GPR45: variants seen among roughly 807,000 people sequenced by gnomAD.
The protein encoded by GPR45 is probable G protein-coupled receptor 45.
Under a neutral mutation model 5.9 loss-of-function variants are expected in GPR45, and 7 were observed. The ratio of observed to expected loss-of-function variants is 1.19; its 90% CI spans 0.68 to 2.23. The LOEUF (loss-of-function observed/expected upper bound fraction) is 2.23. GPR45 is among the 30% of genes most tolerant of loss of function. The probability of loss-of-function intolerance (pLI) is 0.00; values close to 1 mark genes in which losing one functional copy is unlikely to be tolerated. For missense variants in GPR45, 440 were observed against 496.9 expected, an observed-to-expected ratio of 0.89 and a Z score of 1.09; for synonymous variants, 220 against 226.3, an observed-to-expected ratio of 0.97 and a Z score of 0.25.
rs757834636 is a variant in GPR45, at chr2:105,242,253, G to T, written c.395G>T (p.Arg132Leu). Residue 132 changes from arginine to leucine, a missense_variant, in exon 1 of 1, where the codon CGC becomes CTC. Transcript: ENST00000258456. The surrounding 1 kb of genome is among the most constrained non-coding windows in gnomAD (Gnocchi z 4.8). The part of the protein sequence containing the change: ...VAILLIISVD[R>L]FLIIVQRQDK... Reference sequence around the variant, plus strand: ...ATCCTGCTCATCATCAGCGTGGACCGCTTCCTCATCATCGTCCAGCGCCAG... The same window carrying T: ...ATCCTGCTCATCATCAGCGTGGACCTCTTCCTCATCATCGTCCAGCGCCAG... The T allele has an allele frequency of 2.5e-6, 4 of 1,614,054 alleles. No homozygotes were observed. In the South Asian group the frequency reaches 3.3e-5, roughly 13 times the overall value.
In GPR45 at chr2:105,242,347, G is replaced by T. The variant is rs760779943; in HGVS notation, c.489G>T (p.Ala163=). The T allele has an allele frequency of 1.2e-6, 2 of 1,613,532 alleles. No homozygotes were observed. Among genetic ancestry groups the T allele is most frequent in the Non-Finnish European group, 1.7e-6 (2 of 1,179,930 alleles). The change falls in exon 1 of 1, where the codon GCG becomes GCT. Residue 163 remains alanine (A), a synonymous_variant. Coordinates refer to ENST00000258456, the MANE Select transcript of GPR45 (RefSeq NM_007227.3). This position sits in a 1 kb window ranked among gnomAD's most constrained non-coding sequence, Gnocchi z 4.8. ...AVSWVLSFCI[A]GPSLTGWTLV... ...CCTGGGTGCTGTCCTTCTGCATCGC[G>T]GGGCCCTCGCTCACGGGCTGGACGC...
chr2:105,242,388 C>A lies in GPR45; in HGVS notation c.530C>A (p.Ala177Glu), dbSNP rs752768882. 6 of 1,612,310 alleles carry A rather than the reference C, an allele frequency of 3.7e-6. No homozygotes were observed. The highest frequency in any genetic ancestry group is 5.1e-6 in the Non-Finnish European group (6 of 1,179,562). The change falls in exon 1 of 1, where the codon GCG (alanine) becomes GAG (glutamate). Residue 177 changes from alanine (A) to glutamate (E), a missense_variant. Physicochemically the swap from Ala to Glu is moderately radical, Grantham distance 107. Coordinates refer to ENST00000258456, the MANE Select transcript of GPR45 (RefSeq NM_007227.3). The surrounding 1 kb of genome is among the most constrained non-coding windows in gnomAD (Gnocchi z 4.8). ...LTGWTLVEVP[A>E]RAPQCVLGYT... ...GGCTGGACGCTGGTGGAGGTGCCGG[C>A]GCGGGCCCCACAGTGCGTGCTGGGC...
rs201182325 is a variant in GPR45, at chr2:105,242,604, T to A, written c.746T>A (p.Leu249Gln). ...CTCACCAGGGCGGGCCTGCGGCGCC[T>A]GCAGCGGCAGCAACAGGTCAGCGTG... The part of the protein sequence containing the change: ...RQLTRAGLRR[L>Q]QRQQQVSVDL... Residue 249 changes from leucine to glutamine, a missense_variant, in exon 1 of 1, where the codon CTG (leucine) becomes CAG (glutamine). Leu to Gln is a moderately radical substitution (Grantham distance 113). Transcript: ENST00000258456. The surrounding 1 kb of genome is among the most constrained non-coding windows in gnomAD (Gnocchi z 4.8). The A allele has an allele frequency of 6.2e-7, 1 of 1,609,198 alleles. No individual in the cohort carries two copies. Among genetic ancestry groups the A allele is most frequent in the Non-Finnish European group, 8.5e-7 (1 of 1,177,086 alleles).
chr2:105,242,585 A>G lies in GPR45; in HGVS notation c.727A>G (p.Arg243Gly). Residue 243 changes from arginine (R) to glycine (G), a missense_variant, in exon 1 of 1, where the codon AGG becomes GGG. By Grantham distance (125) the Arg-to-Gly change is moderately radical. Transcript: ENST00000258456. This position sits in a 1 kb window ranked among gnomAD's most constrained non-coding sequence, Gnocchi z 4.8. ...CAGCCTGGACCTGCGGCAGCTCACC[A>G]GGGCGGGCCTGCGGCGCCTGCAGCG... ...SDSLDLRQLT[R>G]AGLRRLQRQQ... The G allele has an allele frequency of 6.2e-7, 1 of 1,610,312 alleles. No individual in the cohort carries two copies. The highest frequency in any genetic ancestry group is 8.5e-7 in the Non-Finnish European group (1 of 1,178,646).
rs982105967 is a variant in GPR45, at chr2:105,242,221, C to A, written c.363C>A (p.Gly121=). Residue 121 remains glycine, a synonymous_variant, in exon 1 of 1, where the codon GGC becomes GGA. Transcript: ENST00000258456. The surrounding 1 kb of genome is among the most constrained non-coding windows in gnomAD (Gnocchi z 4.8). ...ATLYWFFVLE[G]VAILLIISVD... ...TCTACTGGTTTTTTGTCCTGGAGGG[C>A]GTGGCCATCCTGCTCATCATCAGCG... The A allele has an allele frequency of 1.5e-5, 25 of 1,614,004 alleles. No individual in the cohort carries two copies. The highest frequency in any genetic ancestry group is 2.1e-5 in the Non-Finnish European group (25 of 1,180,038).
At position 105,242,485 on chromosome 2, in the gene GPR45, C is replaced by A. The variant is rs1015312684; in HGVS notation, c.627C>A (p.Gly209=). The change falls in exon 1 of 1, where the codon GGC becomes GGA. Residue 209 remains glycine (G), a synonymous_variant. Coordinates refer to ENST00000258456, the MANE Select transcript of GPR45 (RefSeq NM_007227.3). The surrounding 1 kb of genome is among the most constrained non-coding windows in gnomAD (Gnocchi z 4.8). ...TGGCCGTGTTCTTCGCGCCCTTTGGCGTCATGCTGTGCGCCTACATGTGCA... is the reference window on the plus strand; with the variant it reads ...TGGCCGTGTTCTTCGCGCCCTTTGGAGTCATGCTGTGCGCCTACATGTGCA... ...LVVAVFFAPF[G]VMLCAYMCIL... 1 of 1,605,408 alleles carries A rather than the reference C, an allele frequency of 6.2e-7. No homozygotes were observed. The highest frequency in any genetic ancestry group is 8.5e-7 in the Non-Finnish European group (1 of 1,179,830).
rs935034940 is a variant in GPR45 at position 105,243,155 on chromosome 2, G to T, written c.*178G>T. The T allele has an allele frequency of 8.0e-5, 66 of 821,314 alleles. No individual in the cohort carries two copies. Among genetic ancestry groups the T allele is most frequent in the Admixed American group, 1.5e-4 (5 of 33,502 alleles). 50.9% of individuals were successfully genotyped at this position (821,314 alleles called of 1,614,324 possible). On this transcript the variant is annotated 3_prime_UTR_variant, in exon 1 of 1. Coordinates refer to ENST00000258456, the MANE Select transcript of GPR45 (RefSeq NM_007227.3). ...CCCAAATTTCAAATTTTGGCACGAT[G>T]AATTATTTTTGTTTCTCTTTGCAGA...
Position 105,242,120 on chromosome 2 carries a change from A to G in GPR45, c.262A>G (p.Met88Val), listed in dbSNP as rs776984771. ...FSDIMLSLCC[M>V]PFTAVTLITV... ...CGACATCATGCTGTCCCTCTGCTGC[A>G]TGCCCTTCACCGCCGTCACCCTCAT... Residue 88 changes from methionine (M) to valine (V), a missense_variant, in exon 1 of 1, where the codon ATG (methionine) becomes GTG (valine). Coordinates refer to ENST00000258456, the MANE Select transcript of GPR45 (RefSeq NM_007227.3). The surrounding 1 kb of genome is among the most constrained non-coding windows in gnomAD (Gnocchi z 4.8). 1.5e-5 allele frequency: 24 copies of G among 1,614,072 alleles called. No homozygotes were observed. The highest frequency in any genetic ancestry group is 2.0e-5 in the Non-Finnish European group (24 of 1,180,020).
rs779954345 is a variant in GPR45, at chr2:105,242,059, G to A, written c.201G>A (p.Ser67=). 6.8e-6 allele frequency: 11 copies of A among 1,614,118 alleles called. No homozygotes were observed. The highest frequency in any genetic ancestry group is 4.5e-5 in the East Asian group (2 of 44,866). The change falls in exon 1 of 1, where the codon TCG becomes TCA. Residue 67 remains serine (S), a synonymous_variant. Coordinates refer to ENST00000258456, the MANE Select transcript of GPR45 (RefSeq NM_007227.3). This position sits in a 1 kb window ranked among gnomAD's most constrained non-coding sequence, Gnocchi z 4.8. ...IIVYQRPAMR[S]AINLLLATLA... ...TGTACCAGAGGCCGGCTATGCGCTC[G>A]GCCATCAACCTGCTGCTGGCCACCC...
chr2:105,242,417 A>C lies in GPR45; in HGVS notation c.559A>C (p.Thr187Pro), dbSNP rs140456971. The change falls in exon 1 of 1, where the codon ACG becomes CCG. Residue 187 changes from threonine to proline, a missense_variant. Transcript: ENST00000258456. This position sits in a 1 kb window ranked among gnomAD's most constrained non-coding sequence, Gnocchi z 4.8. ...GGCCCCACAGTGCGTGCTGGGCTAC[A>C]CGGAGCTCCCCGCTGACCGCGCCTA... The part of the protein sequence containing the change: ...ARAPQCVLGY[T>P]ELPADRAYVV... 1 of 1,611,208 alleles carries C rather than the reference A, an allele frequency of 6.2e-7. No individual in the cohort carries two copies. The highest frequency in any genetic ancestry group is 8.5e-7 in the Non-Finnish European group (1 of 1,179,772).
rs1209090001 is a variant in GPR45, at chr2:105,242,985, G to T, written c.*8G>T. On this transcript the variant is annotated 3_prime_UTR_variant, in exon 1 of 1. Coordinates refer to ENST00000258456, the MANE Select transcript of GPR45 (RefSeq NM_007227.3). The surrounding 1 kb of genome is among the most constrained non-coding windows in gnomAD (Gnocchi z 4.8). ...AACCAGTCTGCGGTTTAGGGGGTCA[G>T]GGGGCCACAGAGAAGGGGCAGCTGA... 4 of 1,608,572 alleles carry T rather than the reference G, an allele frequency of 2.5e-6. No homozygotes were observed. The highest frequency in any genetic ancestry group is 3.4e-6 in the Non-Finnish European group (4 of 1,176,354).
Position 105,242,159 on chromosome 2 carries a change from C to A in GPR45, c.301C>A (p.His101Asn). The A allele has an allele frequency of 6.2e-7, 1 of 1,614,172 alleles. No individual in the cohort carries two copies. Among genetic ancestry groups the A allele is most frequent in the Non-Finnish European group, 8.5e-7 (1 of 1,180,050 alleles). ...TAVTLITVRW[H>N]FGDHFCRLSA... ...CGTCACCCTCATCACCGTGCGCTGG[C>A]ACTTTGGGGACCACTTCTGCCGCCT... The change falls in exon 1 of 1, where the codon CAC (histidine) becomes AAC (asparagine). Residue 101 changes from histidine to asparagine, a missense_variant. His to Asn is a moderately conservative substitution (Grantham distance 68). Coordinates refer to ENST00000258456, the MANE Select transcript of GPR45 (RefSeq NM_007227.3). This position sits in a 1 kb window ranked among gnomAD's most constrained non-coding sequence, Gnocchi z 4.8.
rs766468335 is a variant in GPR45, at chr2:105,242,855, G to A, written c.997G>A (p.Glu333Lys). 9 of 1,614,060 alleles carry A rather than the reference G, an allele frequency of 5.6e-6. No homozygotes were observed. The highest frequency in any genetic ancestry group is 1.3e-5 in the African/African-American group (1 of 74,930). The change falls in exon 1 of 1, where the codon GAG (glutamate) becomes AAG (lysine). Residue 333 changes from glutamate (E) to lysine (K), a missense_variant. Transcript: ENST00000258456. This position sits in a 1 kb window ranked among gnomAD's most constrained non-coding sequence, Gnocchi z 4.8. The part of the protein sequence containing the change: ...VYCWRIKKFR[E>K]ACIELLPQTF... Reference sequence around the variant, plus strand: ...CTGCTGGAGAATCAAAAAATTCCGCGAGGCCTGCATAGAGTTGCTGCCCCA... The same window carrying A: ...CTGCTGGAGAATCAAAAAATTCCGCAAGGCCTGCATAGAGTTGCTGCCCCA...
In GPR45 at chr2:105,241,953, C is replaced by G. The variant is rs2104541203; in HGVS notation, c.95C>G (p.Pro32Arg). The G allele has an allele frequency of 1.2e-6, 2 of 1,613,226 alleles. No homozygotes were observed. Among genetic ancestry groups the G allele is most frequent in the Non-Finnish European group, 1.7e-6 (2 of 1,179,312 alleles). ...SDSGSTQLPA[P>R]LRISLAIVML... ...TCGGGGTCCACCCAGTTGCCCGCAC[C>G]CCTCAGGATCTCCTTGGCCATAGTG... Residue 32 changes from proline to arginine, a missense_variant, in exon 1 of 1, where the codon CCC becomes CGC. Coordinates refer to ENST00000258456, the MANE Select transcript of GPR45 (RefSeq NM_007227.3).
chr2:105,242,674 C>T lies in GPR45; in HGVS notation c.816C>T (p.Leu272=). 1 of 1,599,588 alleles carries T rather than the reference C, an allele frequency of 6.3e-7. No homozygotes were observed. Among genetic ancestry groups the T allele is most frequent in the South Asian group, 1.1e-5 (1 of 88,372 alleles). The change falls in exon 1 of 1, where the codon CTC becomes CTT. Residue 272 remains leucine, a synonymous_variant. Transcript: ENST00000258456. The surrounding 1 kb of genome is among the most constrained non-coding windows in gnomAD (Gnocchi z 4.8). Reference sequence around the variant, plus strand: ...AGGCCTTCACCACCATCCTGATCCTCTTCGTGGGCTTCTCCCTCTGCTGGC... The same window carrying T: ...AGGCCTTCACCACCATCCTGATCCTTTTCGTGGGCTTCTCCCTCTGCTGGC... ...KTKAFTTILI[L]FVGFSLCWLP... is the part of the protein sequence containing the mutation.
rs1442842968 is a variant in GPR45 at position 105,242,678 on chromosome 2, G to T, written c.820G>T (p.Val274Leu). ...CTTCACCACCATCCTGATCCTCTTC[G>T]TGGGCTTCTCCCTCTGCTGGCTGCC... ...KAFTTILILF[V>L]GFSLCWLPHS... The change falls in exon 1 of 1, where the codon GTG becomes TTG. Residue 274 changes from valine to leucine, a missense_variant. Transcript: ENST00000258456. The surrounding 1 kb of genome is among the most constrained non-coding windows in gnomAD (Gnocchi z 4.8). 9.4e-6 allele frequency: 15 copies of T among 1,600,156 alleles called. No individual in the cohort carries two copies. Among genetic ancestry groups the T allele is most frequent in the African/African-American group, 4.0e-5 (3 of 74,624 alleles).
rs770837246 is a variant in GPR45, at chr2:105,241,875, C to T, written c.17C>T (p.Thr6Met). 21 of 1,565,210 alleles carry T rather than the reference C, an allele frequency of 1.3e-5. No homozygotes were observed. Among genetic ancestry groups the T allele is most frequent in the Non-Finnish European group, 1.7e-5 (20 of 1,151,124 alleles). MACNS[T>M]SLEAYTYLLL... is the part of the protein sequence containing the mutation. The stretch of plus-strand genomic sequence containing the variant: ...CTCTCCACGATGGCCTGCAACAGCA[C>T]GTCCCTTGAGGCTTACACATACCTG... The change falls in exon 1 of 1, where the codon ACG becomes ATG. Residue 6 changes from threonine (T) to methionine (M), a missense_variant. Physicochemically the swap from Thr to Met is moderately conservative, Grantham distance 81 (BLOSUM62 -1). Coordinates refer to ENST00000258456, the MANE Select transcript of GPR45 (RefSeq NM_007227.3).
In GPR45 at chr2:105,241,882, T is replaced by C; in HGVS notation, c.24T>C (p.Leu8=). 1.3e-6 allele frequency: 2 copies of C among 1,575,690 alleles called. No individual in the cohort carries two copies. The highest frequency in any genetic ancestry group is 1.7e-6 in the Non-Finnish European group (2 of 1,157,222). Residue 8 remains leucine (L), a synonymous_variant, in exon 1 of 1, where the codon CTT becomes CTC. Coordinates refer to ENST00000258456, the MANE Select transcript of GPR45 (RefSeq NM_007227.3). The part of the protein sequence containing the change: MACNSTS[L]EAYTYLLLNT... ...CGATGGCCTGCAACAGCACGTCCCTTGAGGCTTACACATACCTGCTGCTGA... is the reference window on the plus strand; with the variant it reads ...CGATGGCCTGCAACAGCACGTCCCTCGAGGCTTACACATACCTGCTGCTGA...
Position 105,242,461 on chromosome 2 carries a change from G to T in GPR45, c.603G>T (p.Val201=). The part of the protein sequence containing the change: ...ADRAYVVTLV[V]AVFFAPFGVM... ...GCGCCTACGTGGTCACCTTGGTGGT[G>T]GCCGTGTTCTTCGCGCCCTTTGGCG... Residue 201 remains valine (V), a synonymous_variant, in exon 1 of 1, where the codon GTG becomes GTT. Coordinates refer to ENST00000258456, the MANE Select transcript of GPR45 (RefSeq NM_007227.3). This position sits in a 1 kb window ranked among gnomAD's most constrained non-coding sequence, Gnocchi z 4.8. 6.2e-7 allele frequency: 1 copy of T among 1,607,366 alleles called. No homozygotes were observed. Among genetic ancestry groups the T allele is most frequent in the South Asian group, 1.1e-5 (1 of 91,084 alleles).
Sources: gnomAD v4.1 joint callset for allele counts on GRCh38, gnomAD v4.1.1 for gene constraint, Gnocchi (gnomAD v3.1) non-coding constraint, MANE v1.5 for transcripts, NCBI Gene and HGNC (gene_info 2026-07-23, HGNC 2026-07-21) for gene names.